Variants in DLC1 observed in about 807,000 individuals in gnomAD.
DLC1 encodes the protein DLC1 Rho GTPase activating protein.
Under a neutral mutation model 140.3 loss-of-function variants are expected in DLC1, and 54 were observed. The observed-to-expected ratio is 0.38, with a 90% CI of 0.31 to 0.48. The LOEUF (loss-of-function observed/expected upper bound fraction) is 0.48, where lower values mean the gene tolerates loss of function less well. Among genes scored for constraint, DLC1 ranks in the 20% least tolerant of loss-of-function variants. The probability of loss-of-function intolerance (pLI) is 0.96; values close to 1 mark genes in which losing one functional copy is unlikely to be tolerated. For missense variants in DLC1, 2,536 were observed against 1,907.0 expected (o/e 1.33, Z -6.14); for synonymous variants, 986 against 728.1 (o/e 1.35, Z -5.70).
chr8:13,352,457 C>T (rs899793577), intron 4 of DLC1, among the ~76,000 whole-genome samples: 1 of 152,188 alleles, frequency 6.6e-6, no homozygotes, highest in Non-Finnish European at 1.5e-5. Context: ...TCACAGCTTA[C>T]TGTAGCCTTG....
intron 2 of DLC1, among the ~76,000 whole-genome samples, chr8:13,475,390 G>A (rs975837794): frequency 6.6e-6 from 1 of 151,980 alleles, no homozygotes; most frequent in African/African-American, 2.4e-5. Context: ...TGATTTTGAG[G>A]GCCCAGTAAA....
chr8:13,167,625 C>T (rs1037577222), intron 5 of DLC1, among the ~76,000 whole-genome samples: 2 of 152,174 alleles, frequency 1.3e-5, no homozygotes, highest in African/African-American at 4.8e-5. Context: ...AAGGCACCTG[C>T]ACAGCTACCA....
rs1351909406 is a variant in DLC1 at position 13,500,094 on chromosome 8, C to A, written c.-23G>T. On this transcript the variant is annotated 5_prime_UTR_variant, in exon 2 of 18. Coordinates refer to ENST00000276297, the MANE Select transcript of DLC1 (RefSeq NM_182643.3). Reference sequence around the variant, plus strand: ...CATGTCATCGTAGTTTAACAACAGACAGAGAGATATATTCCATATGAGGGT... The same window carrying A: ...CATGTCATCGTAGTTTAACAACAGAAAGAGAGATATATTCCATATGAGGGT... 2 of 1,590,718 alleles carry A rather than the reference C, an allele frequency of 1.3e-6. No homozygotes were observed. The highest frequency in any genetic ancestry group is 8.6e-7 in the Non-Finnish European group (1 of 1,162,382).
At chr8:13,285,451 A>G (rs1430201022) in intron 5 of DLC1, among the ~76,000 whole-genome samples, 1 of 152,194 alleles carries the variant, frequency 6.6e-6, no homozygotes. Context: ...TAAGACTTGT[A>G]GAAGTTTTCT....
chr8:13,477,282 G>A (rs571278757), intron 2 of DLC1, among the ~76,000 whole-genome samples: 33 of 152,142 alleles, frequency 2.2e-4, no homozygotes, highest in Non-Finnish European at 4.3e-4. Flanking sequence ...AGACAGCGTG[G>A]AAGATGTAGC....
At chr8:13,367,488 A>T (rs2117101797) in intron 4 of DLC1, among the ~76,000 whole-genome samples, 1 of 152,296 alleles carries the variant, frequency 6.6e-6, no homozygotes, top group South Asian at 2.1e-4. Flanking sequence ...CCTACCAAAG[A>T]TCTTCCCATG....
chr8:13,552,111 GTATATATATATATATATATA>G (rs3066465), intron 1 of DLC1, among the ~76,000 whole-genome samples: 5 of 54,530 alleles, frequency 9.2e-5, no homozygotes, highest in Middle Eastern at 0.023. Context: ...GTCTAGAGGT[GTATATATATATATATATATA>G]TATATATATA....
chr8:13,151,358 A>G (rs1823795779), intron 5 of DLC1, among the ~76,000 whole-genome samples: 1 of 152,178 alleles, frequency 6.6e-6, no homozygotes, highest in Non-Finnish European at 1.5e-5. Flanking sequence ...CAACAATCTT[A>G]TGATTATTAA....
chr8:13,428,041 G>T (rs527362209), intron 2 of DLC1, among the ~76,000 whole-genome samples: 2 of 152,162 alleles, frequency 1.3e-5, no homozygotes, highest in Non-Finnish European at 2.9e-5. Context: ...GCAGGGGAAG[G>T]GCTATGATGA....
chr8:13,088,390 T>G lies in DLC1; in HGVS notation c.4292+97A>C. 4 of 1,403,498 alleles carry G rather than the reference T, an allele frequency of 2.9e-6. No homozygotes were observed. In the Admixed American group the frequency reaches 6.3e-5, roughly 22 times the overall value. 86.9% of individuals were successfully genotyped at this position (1,403,498 alleles called of 1,614,324 possible). A position where few individuals can be genotyped will look rare whatever the true frequency, so the allele number is the denominator to read the frequency against. The stretch of plus-strand genomic sequence containing the variant: ...AGCCACCATATGCCCGGCCTCTACT[T>G]TAAATAATTATACCATCTTGTAAGA... On this transcript the variant is annotated intron_variant, in intron 16 of 17. Transcript: ENST00000276297.
intron 5 of DLC1, among the ~76,000 whole-genome samples, chr8:13,256,587 G>T (rs1830238247): frequency 6.6e-6 from 1 of 152,102 alleles, no homozygotes; most frequent in Non-Finnish European, 1.5e-5. Flanking sequence ...CATGAATGAA[G>T]CTGGAAACCA....
intron 15 of DLC1, among the ~76,000 whole-genome samples, chr8:13,089,233 G>A (rs1056818237): frequency 6.6e-6 from 1 of 151,892 alleles, no homozygotes; most frequent in Non-Finnish European, 1.5e-5. Context: ...CTCCAGCCTG[G>A]GTGATGAGAA....
At chr8:13,226,245 G>A (rs1438316136) in intron 5 of DLC1, among the ~76,000 whole-genome samples, 2 of 151,996 alleles carry the variant, frequency 1.3e-5, no homozygotes, top group African/African-American at 2.4e-5. Context: ...ATACTCTTTG[G>A]TTAATATAAT....
intron 1 of DLC1, among the ~76,000 whole-genome samples, chr8:13,511,461 C>A (rs923226277): frequency 5.9e-5 from 9 of 152,042 alleles, no homozygotes; most frequent in African/African-American, 1.9e-4. Flanking sequence ...GTTTAACTTT[C>A]TTAAAAATTA....
intron 5 of DLC1, among the ~76,000 whole-genome samples, chr8:13,244,793 A>G (rs904263823): frequency 2.0e-5 from 3 of 152,116 alleles, no homozygotes; most frequent in African/African-American, 7.2e-5. Context: ...TAGTTTCGAC[A>G]TATTTGTTTC....
intron 2 of DLC1, among the ~76,000 whole-genome samples, chr8:13,448,550 A>T (rs1364706902): frequency 1.3e-5 from 2 of 152,028 alleles, no homozygotes; most frequent in Non-Finnish European, 2.9e-5. Flanking sequence ...TTTAGTAGAG[A>T]TGAGATTTTG....
intron 1 of DLC1, among the ~76,000 whole-genome samples, chr8:13,508,966 G>A (rs896618668): frequency 2.6e-5 from 4 of 151,988 alleles, no homozygotes; most frequent in Non-Finnish European, 5.9e-5. Flanking sequence ...CTCTGATCTT[G>A]TTTCACTTGA....
intron 5 of DLC1, among the ~76,000 whole-genome samples, chr8:13,285,646 A>G (rs1287468110): frequency 6.6e-6 from 1 of 152,190 alleles, no homozygotes; most frequent in Non-Finnish European, 1.5e-5. Context: ...AAGACTGACC[A>G]TACTAAGTGT....
At chr8:13,519,349 C>T (rs1436729517), upstream of DLC1, among the ~76,000 whole-genome samples, 1 of 152,206 alleles carries the variant, frequency 6.6e-6, no homozygotes, top group African/African-American at 2.4e-5. Flanking sequence ...AGGATGGTCT[C>T]GAGCTCCTGG....
Sources: gnomAD v4.1 joint callset for allele counts (sites outside exome capture counted in the v4.1 genomes callset) on GRCh38, gnomAD v4.1.1 for gene constraint, MANE v1.5 for transcripts, NCBI Gene and HGNC (gene_info 2026-07-23, HGNC 2026-07-21) for gene names.